The following ZNRF2 variants were observed in gnomAD, a reference collection of about 807,000 sequenced individuals.
ZNRF2 encodes the protein E3 ubiquitin-protein ligase ZNRF2.
Under a neutral mutation model 20.4 loss-of-function variants are expected in ZNRF2, and 16 were observed. That is an observed-to-expected ratio of 0.79 (90% CI 0.53 to 1.19). The LOEUF (loss-of-function observed/expected upper bound fraction) is 1.19, where lower values mean the gene tolerates loss of function less well. ZNRF2 is among the 50% of genes most tolerant of loss of function. The pLI is 0.00. For missense variants in ZNRF2, 363 were observed against 332.4 expected (o/e 1.09, Z -0.72); for synonymous variants, 178 against 144.9 (o/e 1.23, Z -1.64).
chr7:30,300,492 G>A (rs1799096435), intron 1 of ZNRF2, among the ~76,000 whole-genome samples: 1 of 152,146 alleles, frequency 6.6e-6, no homozygotes. Flanking sequence ...TGAGGCCTGA[G>A]TATGTGGTTA....
chr7:30,285,087 C>A lies in ZNRF2; in HGVS notation c.-271C>A, dbSNP rs1446597105. Reference sequence around the variant, plus strand: ...CTTGAGCCGCCCCTTCCTGCTGGAGCCAGCGAGGGGTGCCTGCAGCCGGGA... The same window carrying A: ...CTTGAGCCGCCCCTTCCTGCTGGAGACAGCGAGGGGTGCCTGCAGCCGGGA... On this transcript the variant is annotated 5_prime_UTR_variant, in exon 1 of 5. Coordinates refer to ENST00000323037, the MANE Select transcript of ZNRF2 (RefSeq NM_147128.4). 2 of 414,448 alleles carry A rather than the reference C, an allele frequency of 4.8e-6. No individual in the cohort carries two copies. 25.7% of individuals were successfully genotyped at this position (414,448 alleles called of 1,614,324 possible).
intron 2 of ZNRF2, among the ~76,000 whole-genome samples, chr7:30,342,690 T>C (rs1477810917): frequency 6.6e-6 from 1 of 152,150 alleles, no homozygotes; most frequent in Non-Finnish European, 1.5e-5. Flanking sequence ...TCTGAGTTTA[T>C]TGTGTTGGGG....
At chr7:30,312,817 G>T (rs1799312334) in intron 1 of ZNRF2, among the ~76,000 whole-genome samples, 1 of 152,068 alleles carries the variant, frequency 6.6e-6, no homozygotes, top group African/African-American at 2.4e-5. Context: ...TAATGAATTT[G>T]TTATCTGGTT....
chr7:30,307,337 T>G lies in ZNRF2; in HGVS notation c.470-16305T>G, dbSNP rs919000287. 3.6e-3 allele frequency among the ~76,000 whole-genome samples: 513 copies of G among 142,022 alleles called. 1 individual carries two copies. Among genetic ancestry groups the G allele is most frequent in the South Asian group, 0.012 (49 of 4,164 alleles). The allele number at this position is 142,022 out of a possible 152,430, so 93.2% of individuals were successfully genotyped here. ...TGCTGTTTTTTTTTGTTTTTTTTTT[T>G]TTTTTTTTTTTTTGGCTGGGGGTGG... On this transcript the variant is annotated intron_variant, in intron 1 of 4. Transcript: ENST00000323037.
intron 1 of ZNRF2, among the ~76,000 whole-genome samples, chr7:30,317,208 A>C (rs1799389604): frequency 6.6e-6 from 1 of 152,158 alleles, no homozygotes. Context: ...ATATTTATTA[A>C]GTGTTGACTG....
intron 4 of ZNRF2, among the ~76,000 whole-genome samples, chr7:30,365,347 T>TA (rs1471844008): frequency 6.6e-6 from 1 of 152,068 alleles, no homozygotes; most frequent in African/African-American, 2.4e-5. Context: ...ATATGAGTGT[T>TA]ATATTTGCTT....
intron 2 of ZNRF2, among the ~76,000 whole-genome samples, chr7:30,334,827 C>T (rs1023283915): frequency 6.6e-6 from 1 of 152,050 alleles, no homozygotes; most frequent in Non-Finnish European, 1.5e-5. Flanking sequence ...ATGTGGTGGC[C>T]TACACAGCTG....
At position 30,366,907 on chromosome 7, in the gene ZNRF2, T is replaced by A. The variant is rs1800226506; in HGVS notation, c.*895T>A. The A allele has an allele frequency of 6.6e-6, 1 of 152,586 alleles. No individual in the cohort carries two copies. Among genetic ancestry groups the A allele is most frequent in the Non-Finnish European group, 1.5e-5 (1 of 67,984 alleles). The allele number at this position is 152,586 out of a possible 1,614,324, so 9.5% of individuals were successfully genotyped here. A position where few individuals can be genotyped will look rare whatever the true frequency, so the allele number is the denominator to read the frequency against. On this transcript the variant is annotated 3_prime_UTR_variant, in exon 5 of 5. Coordinates refer to ENST00000323037, the MANE Select transcript of ZNRF2 (RefSeq NM_147128.4). ...TGTTTTAACGGGTATCTTTTGTTTG[T>A]TCTTTTCACTTAATTATTTTATTGT...
At chr7:30,304,228 G>A (rs536224096) in intron 1 of ZNRF2, among the ~76,000 whole-genome samples, 2 of 152,118 alleles carry the variant, frequency 1.3e-5, no homozygotes, top group African/African-American at 4.8e-5. Flanking sequence ...GCTCATTCAT[G>A]TTTTTTAAGA....
Position 30,327,129 on chromosome 7 carries a change from T to C in ZNRF2, c.565+3392T>C, listed in dbSNP as rs558649439. Among the ~76,000 whole-genome samples, 45 of 152,318 alleles carry C rather than the reference T, an allele frequency of 3.0e-4. 1 individual carries two copies. The highest frequency in any genetic ancestry group is 9.1e-4 in the African/African-American group (38 of 41,566). ...TTTCCTTTGCTGTGCAGAAGCTCTTTAGTTTAATTAGATCCCATTTGTCAA... is the reference window on the plus strand; with the variant it reads ...TTTCCTTTGCTGTGCAGAAGCTCTTCAGTTTAATTAGATCCCATTTGTCAA... On this transcript the variant is annotated intron_variant, in intron 2 of 4. Coordinates refer to ENST00000323037, the MANE Select transcript of ZNRF2 (RefSeq NM_147128.4).
intron 1 of ZNRF2, among the ~76,000 whole-genome samples, chr7:30,323,177 G>T (rs1799501633): frequency 6.6e-6 from 1 of 152,120 alleles, no homozygotes; most frequent in African/African-American, 2.4e-5. Flanking sequence ...TTCTGCATCA[G>T]ATAAAATTTT....
chr7:30,303,640 A>C (rs1204526479), intron 1 of ZNRF2, among the ~76,000 whole-genome samples: 1 of 152,210 alleles, frequency 6.6e-6, no homozygotes, highest in Non-Finnish European at 1.5e-5. Context: ...TAAGAGTAGG[A>C]TATGATTGTG....
At chr7:30,288,024 A>C (rs1356120415) in intron 1 of ZNRF2, among the ~76,000 whole-genome samples, 3 of 152,202 alleles carry the variant, frequency 2.0e-5, no homozygotes, top group Non-Finnish European at 2.9e-5. Flanking sequence ...GAATACATTT[A>C]CGTAAAAACC....
chr7:30,346,151 T>G (rs1799873655), intron 2 of ZNRF2, among the ~76,000 whole-genome samples: 1 of 149,960 alleles, frequency 6.7e-6, no homozygotes, highest in Non-Finnish European at 1.5e-5. Flanking sequence ...TCAGTGTTTT[T>G]TTTTTTCTGT....
chr7:30,316,288 CAAAAAAAAAAAAAAAA>C (rs60218988), intron 1 of ZNRF2, among the ~76,000 whole-genome samples: 350 of 27,538 alleles, frequency 0.013, 7 homozygotes, highest in African/African-American at 0.029. Context: ...AACTCCATCT[CAAAAAAAAAAAAAAAA>C]AAAAAAAAAA....
chr7:30,337,182 T>C (rs1003829205), intron 2 of ZNRF2, among the ~76,000 whole-genome samples: 1 of 152,222 alleles, frequency 6.6e-6, no homozygotes, highest in South Asian at 2.1e-4. Flanking sequence ...TTATGACTTA[T>C]GTTCTTTTCG....
intron 2 of ZNRF2, among the ~76,000 whole-genome samples, chr7:30,335,131 T>G (rs1362765652): frequency 6.6e-6 from 1 of 152,172 alleles, no homozygotes; most frequent in Non-Finnish European, 1.5e-5. Flanking sequence ...TAATAACGTT[T>G]GAGGACTATG....
intron 3 of ZNRF2, among the ~76,000 whole-genome samples, 192 bp from the exon 4 acceptor site, chr7:30,362,184 GT>G (rs1392367312): frequency 1.3e-5 from 2 of 151,948 alleles, no homozygotes; most frequent in Admixed American, 6.6e-5. Flanking sequence ...TTTTGCAAAG[GT>G]TTTTTTCTTA....
At chr7:30,338,426 C>T (rs534828446) in intron 2 of ZNRF2, among the ~76,000 whole-genome samples, 2 of 133,078 alleles carry the variant, frequency 1.5e-5, no homozygotes, top group Non-Finnish European at 3.2e-5. Flanking sequence ...TCCCCTAGCC[C>T]CCCCCCACCC....
Sources: allele counts gnomAD v4.1 joint callset (sites outside exome capture counted in the v4.1 genomes callset), GRCh38; gene constraint gnomAD v4.1.1; transcripts MANE v1.5; gene names NCBI Gene and HGNC (gene_info 2026-07-23, HGNC 2026-07-21).